Variants in AP2B1 observed in about 807,000 individuals in gnomAD.
The protein encoded by AP2B1 is AP-2 complex subunit beta.
A neutral mutation model predicts 102.0 loss-of-function variants in AP2B1; 23 were observed. The observed-to-expected ratio is 0.23, with a 90% confidence interval of 0.16 to 0.32. AP2B1 has a LOEUF of 0.32. Ranked by LOEUF, AP2B1 falls within the 10% of genes least tolerant of loss-of-function variation. The probability of loss-of-function intolerance (pLI) is 1.00; values close to 1 mark genes in which losing one functional copy is unlikely to be tolerated. For synonymous variants in AP2B1, 381 were observed against 421.2 expected (o/e 0.90, Z 1.17); for missense variants, 541 against 1,157.4 (o/e 0.47, Z 7.73).
chr17:35,640,041 C>T (rs780777960), intron 11 of AP2B1, among the ~76,000 whole-genome samples: 4 of 152,054 alleles, frequency 2.6e-5, no homozygotes, highest in African/African-American at 4.8e-5. Flanking sequence ...TTCAGCCTCC[C>T]AAGTAGCTGG....
intron 9 of AP2B1, among the ~76,000 whole-genome samples, chr17:35,632,164 T>A (rs1288314665): frequency 6.6e-6 from 1 of 151,902 alleles, no homozygotes; most frequent in Non-Finnish European, 1.5e-5. Flanking sequence ...AATGGAGTCT[T>A]GACTTGTCGC....
At chr17:35,651,806 AGAG>A (rs745563299) in intron 13 of AP2B1, among the ~76,000 whole-genome samples, 4 of 152,178 alleles carry the variant, frequency 2.6e-5, no homozygotes, top group Non-Finnish European at 5.9e-5. Flanking sequence ...ATTTTAATCC[AGAG>A]GAGATGTGAG....
At chr17:35,650,093 G>T (rs1211533455) in intron 12 of AP2B1, among the ~76,000 whole-genome samples, 1 of 152,034 alleles carries the variant, frequency 6.6e-6, no homozygotes, top group Non-Finnish European at 1.5e-5. Flanking sequence ...GGGATTACAG[G>T]CACACGCCAC....
chr17:35,723,131 A>C (rs1305179993), intron 21 of AP2B1, among the ~76,000 whole-genome samples: 4 of 152,222 alleles, frequency 2.6e-5, no homozygotes, highest in Non-Finnish European at 5.9e-5. Context: ...TAATACAGAA[A>C]GGACTAATAC....
At chr17:35,704,594 T>C (rs1008998339) in intron 18 of AP2B1, among the ~76,000 whole-genome samples, 2 of 152,202 alleles carry the variant, frequency 1.3e-5, no homozygotes, top group African/African-American at 4.8e-5. Context: ...CATTATTATA[T>C]GCTATCATAG....
intron 18 of AP2B1, among the ~76,000 whole-genome samples, chr17:35,705,482 A>T (rs1206602238): frequency 7.9e-5 from 12 of 152,180 alleles, no homozygotes; most frequent in African/African-American, 2.9e-4. Flanking sequence ...TAGGATGCTG[A>T]GTAAAAAAGG....
In AP2B1 at chr17:35,628,073, C is replaced by CT. The variant is rs935226343; in HGVS notation, c.1155+354dup. Among the ~76,000 whole-genome samples, 11 of 151,978 alleles carry CT rather than the reference C, an allele frequency of 7.2e-5. No individual in the cohort carries two copies. In the East Asian group the frequency reaches 1.7e-3, roughly 24 times the overall value. On this transcript the variant is annotated intron_variant, in intron 9 of 21. Transcript: ENST00000610402. Reference sequence around the variant, plus strand: ...TTGTCTGTACTGAACATGTACAGACCTTTTTTTGTCTATATTCCTTAAAAA... The same window carrying CT: ...TTGTCTGTACTGAACATGTACAGACCTTTTTTTTGTCTATATTCCTTAAAAA...
intron 12 of AP2B1, among the ~76,000 whole-genome samples, chr17:35,645,370 T>C (rs1317396492): frequency 6.6e-6 from 1 of 152,196 alleles, no homozygotes; most frequent in Non-Finnish European, 1.5e-5. Flanking sequence ...TTACCTGTGC[T>C]GAGAATTAAG....
intron 13 of AP2B1, among the ~76,000 whole-genome samples, chr17:35,653,052 A>G (rs1462456501): frequency 6.6e-6 from 1 of 152,080 alleles, no homozygotes. Context: ...TTGCAGTTCC[A>G]TGTTTCTTCT....
In AP2B1 at chr17:35,641,780, T is replaced by C. The variant is rs529408524; in HGVS notation, c.1438-97T>C. ...CTTAACCAAAATCAGAAAGGCTCCATAGTAATTCATAGTTGGGGAAACACC... is the reference window on the plus strand; with the variant it reads ...CTTAACCAAAATCAGAAAGGCTCCACAGTAATTCATAGTTGGGGAAACACC... On this transcript the variant is annotated intron_variant, in intron 11 of 21. Transcript: ENST00000610402. 30 of 804,712 alleles carry C rather than the reference T, an allele frequency of 3.7e-5. No homozygotes were observed. In the South Asian group the frequency reaches 4.9e-4, roughly 13 times the overall value. 49.8% of individuals were successfully genotyped at this position (804,712 alleles called of 1,614,324 possible).
chr17:35,638,789 G>GAA (rs11286699), intron 10 of AP2B1, among the ~76,000 whole-genome samples: 2 of 110,550 alleles, frequency 1.8e-5, no homozygotes, highest in Non-Finnish European at 3.7e-5. Context: ...ACTCCGTCTT[G>GAA]AAAAAAAAAA....
intron 18 of AP2B1, among the ~76,000 whole-genome samples, chr17:35,704,372 A>G (rs755832308): frequency 1.3e-5 from 2 of 152,168 alleles, no homozygotes; most frequent in Non-Finnish European, 2.9e-5. Context: ...GCCTAATCAG[A>G]GATGTTGCTG....
intron 18 of AP2B1, among the ~76,000 whole-genome samples, chr17:35,707,451 TCC>T (rs1490722040): frequency 1.1e-5 from 1 of 89,908 alleles, no homozygotes; most frequent in Admixed American, 1.3e-4. Flanking sequence ...GTGCCCGGCT[TCC>T]CCCCTTTTTT....
intron 5 of AP2B1, among the ~76,000 whole-genome samples, chr17:35,621,898 A>G (rs1267334151): frequency 6.6e-6 from 1 of 152,090 alleles, no homozygotes; most frequent in Non-Finnish European, 1.5e-5. Flanking sequence ...GGTTTCACTG[A>G]CAGAAGTGGT....
chr17:35,699,253 T>C (rs1473365156), intron 18 of AP2B1, among the ~76,000 whole-genome samples: 1 of 152,204 alleles, frequency 6.6e-6, no homozygotes, highest in East Asian at 1.9e-4. Context: ...AGGGCTCTGT[T>C]CAAAGCTTTC....
chr17:35,589,098 A>G (rs1465330981), intron 1 of AP2B1, among the ~76,000 whole-genome samples: 1 of 152,210 alleles, frequency 6.6e-6, no homozygotes, highest in Non-Finnish European at 1.5e-5. Flanking sequence ...TTGCTTCGTT[A>G]TAATATTAAG....
At chr17:35,712,689 T>G (rs781824807) in intron 20 of AP2B1, among the ~76,000 whole-genome samples, 1 of 152,000 alleles carries the variant, frequency 6.6e-6, no homozygotes, top group Non-Finnish European at 1.5e-5. Flanking sequence ...TCCATGAAAG[T>G]TGAAAAATAC....
Position 35,608,306 on chromosome 17 carries a change from C to T in AP2B1, c.444C>T (p.Leu148=), listed in dbSNP as rs759782415. 1 of 1,614,176 alleles carries T rather than the reference C, an allele frequency of 6.2e-7. No individual in the cohort carries two copies. Among genetic ancestry groups the T allele is most frequent in the Non-Finnish European group, 8.5e-7 (1 of 1,180,044 alleles). Residue 148 remains leucine (L), a synonymous_variant, in exon 5 of 22, where the codon CTC becomes CTT. Coordinates refer to ENST00000610402, the MANE Select transcript of AP2B1 (RefSeq NM_001030006.2). The part of the protein sequence containing the change: ...RKTAAVCVAK[L]HDINAQMVED... ...CAGCAGCAGTCTGCGTGGCAAAACT[C>T]CATGATATCAATGCCCAAATGGTGG...
intron 18 of AP2B1, among the ~76,000 whole-genome samples, chr17:35,692,458 G>A (rs2076059200): frequency 6.6e-6 from 1 of 152,130 alleles, no homozygotes; most frequent in South Asian, 2.1e-4. Context: ...TTAGCTTGTA[G>A]TGCAGTAGAG....
Sources: allele counts gnomAD v4.1 joint callset (sites outside exome capture counted in the v4.1 genomes callset), GRCh38; gene constraint gnomAD v4.1.1; transcripts MANE v1.5; gene names NCBI Gene and HGNC (gene_info 2026-07-23, HGNC 2026-07-21).